Variants in ARAP2 observed in about 807,000 individuals in gnomAD.
ARAP2 encodes the protein arf-GAP with Rho-GAP domain, ANK repeat and PH domain-containing protein 2.
A neutral mutation model predicts 194.5 loss-of-function variants in ARAP2; 148 were observed. The observed-to-expected ratio is 0.76, with a 90% CI of 0.67 to 0.87. The LOEUF is 0.87. ARAP2 is among the 40% of genes least tolerant of loss of function. The pLI is 0.00. For synonymous variants in ARAP2, 695 were observed against 683.5 expected (o/e 1.02, Z -0.26); for missense variants, 2,128 against 1,989.7 (o/e 1.07, Z -1.32).
chr4:36,051,872 G>A (rs975542157), intron 3 of ARAP2: 1 of 152,176 alleles, frequency 6.6e-6, no homozygotes, highest in East Asian at 1.9e-4. Flanking sequence ...TTTGTGACGT[G>A]TGACTGTTTG....
intron 26 of ARAP2, among the ~76,000 whole-genome samples, chr4:36,109,426 A>G (rs1006944279): frequency 5.3e-5 from 8 of 151,918 alleles, no homozygotes; most frequent in Admixed American, 1.3e-4. Flanking sequence ...AAATTATTGC[A>G]TTATTTTCTT....
chr4:36,228,161 G>T (rs1040575094), intron 2 of ARAP2, among the ~76,000 whole-genome samples: 3 of 152,126 alleles, frequency 2.0e-5, no homozygotes, highest in African/African-American at 7.2e-5. Context: ...ATTACTTGGT[G>T]CCAAGCATTG....
intron 8 of ARAP2, among the ~76,000 whole-genome samples, chr4:36,014,229 GAAAGAAAGA>G (rs1715128047): frequency 2.6e-4 from 8 of 30,992 alleles, no homozygotes; most frequent in African/African-American, 3.2e-4. Context: ...CCTATCGAAA[GAAAGAAAGA>G]AAGAAAGAAA....
intron 19 of ARAP2, among the ~76,000 whole-genome samples, chr4:36,137,988 T>C (rs1727248728): frequency 6.6e-6 from 1 of 151,746 alleles, no homozygotes; most frequent in Admixed American, 6.6e-5. Flanking sequence ...AGAAGACCTA[T>C]TTCTCTTCTT....
chr4:36,187,472 C>A lies in ARAP2; in HGVS notation c.1657G>T (p.Val553Phe). The change falls in exon 8 of 33, where the codon GTT (valine) becomes TTT (phenylalanine). Residue 553 changes from valine (V) to phenylalanine (F), a missense_variant. Transcript: ENST00000303965. ...TCACCTTCTTTTTCTACTCTAAAAA[C>A]AAAAGTTCTTTGTGTTGTAACAACT... The part of the protein sequence containing the change: ...FEVVTTQRTF[V>F]FRVEKEEERN... 1 of 1,456,446 alleles carries A rather than the reference C, an allele frequency of 6.9e-7. No homozygotes were observed. Among genetic ancestry groups the A allele is most frequent in the Non-Finnish European group, 9.3e-7 (1 of 1,078,812 alleles). The allele number at this position is 1,456,446 out of a possible 1,614,324, so 90.2% of individuals were successfully genotyped here.
Position 36,244,164 on chromosome 4 carries a change from GC to G in ARAP2, c.-160+14del. On this transcript the variant is annotated intron_variant, in intron 1 of 32. Coordinates refer to ENST00000303965, the MANE Select transcript of ARAP2 (RefSeq NM_015230.4). Reference sequence around the variant, plus strand: ...GCCATCCCGGCCCAGCCTTCCCGAGGCCCCGGGTACTCGCCTTGCGCTCGGG... The same window carrying G: ...GCCATCCCGGCCCAGCCTTCCCGAGGCCCGGGTACTCGCCTTGCGCTCGGG... The G allele has an allele frequency of 1.3e-5, 2 of 152,078 alleles. No individual in the cohort carries two copies. The highest frequency in any genetic ancestry group is 2.9e-5 in the Non-Finnish European group (2 of 67,986). 9.4% of individuals were successfully genotyped at this position (152,078 alleles called of 1,614,324 possible).
At chr4:36,207,507 A>G (rs758705320) in intron 6 of ARAP2, among the ~76,000 whole-genome samples, 1 of 152,178 alleles carries the variant, frequency 6.6e-6, no homozygotes, top group African/African-American at 2.4e-5. Flanking sequence ...GTGTTATGCA[A>G]TTATATTCTT....
intron 31 of ARAP2, 33 bp from the exon 32 acceptor site, chr4:36,073,856 T>C (rs2109319464): frequency 6.2e-7 from 1 of 1,611,196 alleles, no homozygotes; most frequent in East Asian, 2.2e-5. Context: ...TGTTGGTGTG[T>C]GATTTTATTA....
intron 30 of ARAP2, among the ~76,000 whole-genome samples, 186 bp from the exon 31 acceptor site, chr4:36,080,465 G>A (rs1035498943): frequency 3.3e-5 from 5 of 152,148 alleles, no homozygotes; most frequent in African/African-American, 4.8e-5. Context: ...ACAATACGAA[G>A]TTATAGTGTA....
chr4:36,216,682 TAAAC>T (rs1448223596), intron 2 of ARAP2, among the ~76,000 whole-genome samples: 1 of 151,612 alleles, frequency 6.6e-6, no homozygotes, highest in Admixed American at 6.6e-5. Flanking sequence ...AAGTAAATGA[TAAAC>T]AAATAGTGGT....
chr4:36,069,694 C>T (rs1337511294), intron 32 of ARAP2, among the ~76,000 whole-genome samples: 1 of 152,084 alleles, frequency 6.6e-6, no homozygotes, highest in African/African-American at 2.4e-5. Context: ...AATTTAAGGG[C>T]CAAGTAATAA....
At chr4:36,038,857 G>C (rs909795790) in intron 5 of ARAP2, among the ~76,000 whole-genome samples, 1 of 152,136 alleles carries the variant, frequency 6.6e-6, no homozygotes, top group African/African-American at 2.4e-5. Flanking sequence ...ATTATGTTAA[G>C]AATGGAAAGC....
intron 26 of ARAP2, among the ~76,000 whole-genome samples, chr4:36,108,289 A>T (rs1047251569): frequency 6.6e-6 from 1 of 151,974 alleles, no homozygotes; most frequent in African/African-American, 2.4e-5. Context: ...GGACTAACAA[A>T]CTTAATATTG....
intron 5 of ARAP2, among the ~76,000 whole-genome samples, chr4:36,036,084 T>G (rs1719872731): frequency 6.6e-6 from 1 of 152,150 alleles, no homozygotes; most frequent in Non-Finnish European, 1.5e-5. Context: ...TTTGTTTGCT[T>G]CTCCTTAAAA....
intron 9 of ARAP2, among the ~76,000 whole-genome samples, chr4:36,009,663 G>C (rs1714031282): frequency 6.6e-6 from 1 of 152,032 alleles, no homozygotes; most frequent in Middle Eastern, 3.2e-3. Context: ...TTGACAAAAA[G>C]GAAGTTACAG....
intron 5 of ARAP2, among the ~76,000 whole-genome samples, chr4:36,028,897 C>G (rs1328342243): frequency 6.6e-6 from 1 of 151,884 alleles, no homozygotes; most frequent in East Asian, 1.9e-4. Flanking sequence ...GATGAAAGGG[C>G]CATTTTTTTC....
intron 8 of ARAP2, among the ~76,000 whole-genome samples, chr4:36,181,150 T>C (rs564506929): frequency 1.8e-4 from 27 of 152,350 alleles, no homozygotes; most frequent in Non-Finnish European, 3.1e-4. Context: ...CTATTGAGTG[T>C]CTATCTTGAT....
At chr4:36,071,561 G>A (rs916377564) in intron 32 of ARAP2, among the ~76,000 whole-genome samples, 3 of 152,060 alleles carry the variant, frequency 2.0e-5, no homozygotes, top group African/African-American at 7.2e-5. Context: ...CTGAATGAAA[G>A]CCAGGCTTAG....
intron 1 of ARAP2, among the ~76,000 whole-genome samples, chr4:36,242,460 C>T (rs779782475): frequency 6.6e-5 from 10 of 152,078 alleles, no homozygotes; most frequent in Non-Finnish European, 1.5e-4. Context: ...AGTAACAAAA[C>T]GAAACAACAA....
Sources: allele counts gnomAD v4.1 joint callset (sites outside exome capture counted in the v4.1 genomes callset), GRCh38; gene constraint gnomAD v4.1.1; transcripts MANE v1.5; gene names NCBI Gene and HGNC (gene_info 2026-07-23, HGNC 2026-07-21).